Variants in FBXL17 observed in about 807,000 individuals in gnomAD.
The protein encoded by FBXL17 is F-box and leucine rich repeat protein 17.
In FBXL17, 22 loss-of-function variants were observed where a neutral mutation model predicts 66.2. That is an observed-to-expected ratio of 0.33 (90% confidence interval 0.24 to 0.47). The LOEUF (loss-of-function observed/expected upper bound fraction) is 0.47, where lower values mean the gene tolerates loss of function less well. Ranked by LOEUF, FBXL17 falls within the 20% of genes least tolerant of loss-of-function variation. The pLI is 1.00. For missense variants in FBXL17, 878 were observed against 948.2 expected, an observed-to-expected ratio of 0.93 and a Z score of 0.97; for synonymous variants, 474 against 400.5, an observed-to-expected ratio of 1.18 and a Z score of -2.19.
chr5:108,340,272 C>G (rs2112425323), intron 4 of FBXL17, among the ~76,000 whole-genome samples: 1 of 151,706 alleles, frequency 6.6e-6, no homozygotes, highest in South Asian at 2.1e-4. Context: ...TGTTTTAGGC[C>G]AGGCATGGTG....
At chr5:107,872,713 TCAC>T (rs1205160910) in intron 8 of FBXL17, among the ~76,000 whole-genome samples, 1 of 152,148 alleles carries the variant, frequency 6.6e-6, no homozygotes, top group East Asian at 1.9e-4. Context: ...GGGTAAAAAT[TCAC>T]CACCACAACA....
At chr5:108,298,290 T>G (rs1242864588) in intron 4 of FBXL17, 1 of 984,850 alleles carries the variant, frequency 1.0e-6, no homozygotes, top group African/African-American at 1.7e-5. Context: ...CACACAGAAT[T>G]TGGCTTCCAA....
rs796235024 is a variant in FBXL17, at chr5:108,144,384, T to A, written c.1745+41733A>T. On this transcript the variant is annotated intron_variant, in intron 6 of 8. Coordinates refer to ENST00000542267, the MANE Select transcript of FBXL17 (RefSeq NM_001163315.3). ...ACCAAAATAAATACACTGGAATTAT[T>A]TCTAACATGAAAAAGCCCTCATTTA... 1.4e-4 allele frequency among the ~76,000 whole-genome samples: 21 copies of A among 152,322 alleles called. 1 individual carries two copies. Among genetic ancestry groups the A allele is most frequent in the African/African-American group, 5.0e-4 (21 of 41,586 alleles).
At chr5:108,247,686 A>T (rs746320429) in intron 4 of FBXL17, among the ~76,000 whole-genome samples, 2 of 152,190 alleles carry the variant, frequency 1.3e-5, no homozygotes, top group Non-Finnish European at 2.9e-5. Flanking sequence ...AGTTTTGAGG[A>T]TATTTTAATT....
intron 4 of FBXL17, among the ~76,000 whole-genome samples, chr5:108,316,917 A>G (rs903737190): frequency 2.0e-5 from 3 of 151,284 alleles, no homozygotes; most frequent in Non-Finnish European, 4.4e-5. Flanking sequence ...TTAACATCGA[A>G]CCAATAAAAT....
chr5:108,232,616 G>A (rs565108339), intron 4 of FBXL17, among the ~76,000 whole-genome samples: 61 of 150,954 alleles, frequency 4.0e-4, no homozygotes, highest in Non-Finnish European at 7.2e-4. Context: ...CAGGCCTAGC[G>A]TCCCAGCATA....
At chr5:108,356,806 A>G (rs903584169) in intron 3 of FBXL17, among the ~76,000 whole-genome samples, 10 of 152,058 alleles carry the variant, frequency 6.6e-5, no homozygotes, top group African/African-American at 2.4e-4. Context: ...AGTGAACCCT[A>G]ACATAAATTA....
intron 7 of FBXL17, among the ~76,000 whole-genome samples, chr5:107,961,928 G>A (rs1662943390): frequency 6.6e-6 from 1 of 152,004 alleles, no homozygotes; most frequent in South Asian, 2.1e-4. Context: ...TTTTTAAAAT[G>A]ATACTTTTAT....
intron 4 of FBXL17, among the ~76,000 whole-genome samples, chr5:108,314,195 T>C (rs764941132): frequency 6.6e-6 from 1 of 151,748 alleles, no homozygotes; most frequent in East Asian, 1.9e-4. Context: ...GAGCCTTAAA[T>C]GCTAACATAT....
intron 7 of FBXL17, among the ~76,000 whole-genome samples, chr5:107,919,495 C>T (rs1315904333): frequency 6.6e-6 from 1 of 152,176 alleles, no homozygotes; most frequent in Non-Finnish European, 1.5e-5. Flanking sequence ...TCTCACCTCA[C>T]TGAGGGTAAG....
intron 6 of FBXL17, among the ~76,000 whole-genome samples, chr5:108,105,120 C>T (rs577974597): frequency 6.6e-5 from 10 of 152,270 alleles, no homozygotes; most frequent in African/African-American, 1.7e-4. Context: ...GGATTACAGG[C>T]GTGAGCCACC....
At chr5:108,286,324 C>A (rs1757898493) in intron 4 of FBXL17, among the ~76,000 whole-genome samples, 1 of 151,560 alleles carries the variant, frequency 6.6e-6, no homozygotes, top group African/African-American at 2.4e-5. Flanking sequence ...TGAAAGACAA[C>A]CAAATAGAAA....
At chr5:107,939,638 T>A (rs1020192628) in intron 7 of FBXL17, among the ~76,000 whole-genome samples, 1 of 152,186 alleles carries the variant, frequency 6.6e-6, no homozygotes, top group Non-Finnish European at 1.5e-5. Context: ...GTACGGAGGA[T>A]CACCCTGTCT....
intron 6 of FBXL17, among the ~76,000 whole-genome samples, chr5:108,021,425 T>C (rs963092271): frequency 6.0e-5 from 9 of 150,952 alleles, no homozygotes; most frequent in African/African-American, 2.2e-4. Context: ...AGCACTGAAA[T>C]AGTATTTTTT....
chr5:107,886,114 A>G (rs1748960857), intron 7 of FBXL17, among the ~76,000 whole-genome samples: 1 of 152,188 alleles, frequency 6.6e-6, no homozygotes, highest in African/African-American at 2.4e-5. Context: ...TAAGAGGAAA[A>G]CCAAAAAGAA....
chr5:108,037,058 T>C (rs185565751), intron 6 of FBXL17, among the ~76,000 whole-genome samples: 1 of 152,048 alleles, frequency 6.6e-6, no homozygotes. Context: ...AAAATATAAA[T>C]AATAAGGTAA....
intron 4 of FBXL17, among the ~76,000 whole-genome samples, chr5:108,263,157 T>C (rs1393737500): frequency 2.0e-5 from 3 of 152,176 alleles, no homozygotes; most frequent in Non-Finnish European, 4.4e-5. Flanking sequence ...CAAGTAATCT[T>C]AGCAAAGAAT....
At chr5:108,067,555 G>A (rs994250975) in intron 6 of FBXL17, among the ~76,000 whole-genome samples, 3 of 152,078 alleles carry the variant, frequency 2.0e-5, no homozygotes, top group Non-Finnish European at 4.4e-5. Flanking sequence ...TATTTCTAAG[G>A]CTTGAGAGAT....
At chr5:108,345,201 G>A in intron 4 of FBXL17, among the ~76,000 whole-genome samples, 1 of 151,980 alleles carries the variant, frequency 6.6e-6, no homozygotes, top group East Asian at 1.9e-4. Flanking sequence ...GCTGGGCATG[G>A]TGGCTTGCAC....
Sources: allele counts gnomAD v4.1 joint callset (sites outside exome capture counted in the v4.1 genomes callset), GRCh38; gene constraint gnomAD v4.1.1; transcripts MANE v1.5; gene names NCBI Gene and HGNC (gene_info 2026-07-23, HGNC 2026-07-21).